The following SUN1 variants were observed in gnomAD, a reference collection of about 807,000 sequenced individuals.
The protein encoded by SUN1 is SUN domain-containing protein 1.
Under a neutral mutation model 103.2 loss-of-function variants are expected in SUN1, and 61 were observed. The observed-to-expected ratio is 0.59, with a 90% CI of 0.48 to 0.73. SUN1 has a LOEUF of 0.73. Among genes scored for constraint, SUN1 ranks in the 30% least tolerant of loss-of-function variants. SUN1 has a pLI of 0.00. For missense variants in SUN1, 1,052 were observed against 1,034.6 expected (o/e 1.02, Z -0.23); for synonymous variants, 490 against 425.7 (o/e 1.15, Z -1.86).
At chr7:868,335 A>T (rs1004832910) in intron 16 of SUN1, 2 of 213,664 alleles carry the variant, frequency 9.4e-6, no homozygotes, top group African/African-American at 4.7e-5. Context: ...CTGCACCTGG[A>T]GGTGGGGGTG....
At chr7:838,259 A>C (rs1276931261) in intron 1 of SUN1, among the ~76,000 whole-genome samples, 1 of 152,168 alleles carries the variant, frequency 6.6e-6, no homozygotes, top group African/African-American at 2.4e-5. Context: ...ATTATATGGA[A>C]GGTATTGGAA....
Position 872,577 on chromosome 7 carries a change from T to A in SUN1, c.2241+15T>A. On this transcript the variant is annotated intron_variant, in intron 18 of 18. Coordinates refer to ENST00000401592, the MANE Select transcript of SUN1 (RefSeq NM_001130965.3). Reference sequence around the variant, plus strand: ...TCCAGGCCCTGGTAAGAACTGGGACTGGCACTGCCTGGGGTCTCTGAGTCC... The same window carrying A: ...TCCAGGCCCTGGTAAGAACTGGGACAGGCACTGCCTGGGGTCTCTGAGTCC... 6.4e-7 allele frequency: 1 copy of A among 1,560,210 alleles called. No individual in the cohort carries two copies. The highest frequency in any genetic ancestry group is 8.7e-7 in the Non-Finnish European group (1 of 1,149,850).
At position 835,551 on chromosome 7, in the gene SUN1, T is replaced by C. The variant is rs147982747; in HGVS notation, c.77+2950T>C. On this transcript the variant is annotated intron_variant, in intron 1 of 18. Transcript: ENST00000401592. The stretch of plus-strand genomic sequence containing the variant: ...CATGTTACATTGGGTGATTTCCCTC[T>C]TAAATCTCAATCTGTAATTCTTGTC... Among the ~76,000 whole-genome samples, 553 of 152,340 alleles carry C rather than the reference T, an allele frequency of 3.6e-3. 4 individuals carry two copies. Among genetic ancestry groups the C allele is most frequent in the African/African-American group, 0.013 (527 of 41,566 alleles).
Position 838,979 on chromosome 7 carries a change from G to T in SUN1, c.259G>T (p.Ala87Ser). 6.3e-7 allele frequency: 1 copy of T among 1,581,580 alleles called. No individual in the cohort carries two copies. The highest frequency in any genetic ancestry group is 1.2e-5 in the South Asian group (1 of 86,240). Residue 87 changes from alanine (A) to serine (S), a missense_variant, in exon 2 of 19, where the codon GCG becomes TCG. Transcript: ENST00000401592. ...TSSAVSLKNR[A>S]ARTTKQRRST... ...CAGCGCTGTCTCCCTGAAGAACCGA[G>T]CGGCCAGGTGAGCACCGCTGCACTT...
intron 5 of SUN1, chr7:843,957 T>G: frequency 9.9e-7 from 1 of 1,013,134 alleles, no homozygotes; most frequent in Non-Finnish European, 1.2e-6. Flanking sequence ...TCGCTAGCCC[T>G]GTGCTTATGG....
chr7:815,876 G>C (rs1031919299), upstream of SUN1: 1 of 227,370 alleles, frequency 4.4e-6, no homozygotes, highest in East Asian at 1.8e-4. Flanking sequence ...ATTGGGGTGG[G>C]GGCGGCGGCC....
At chr7:834,564 T>C (rs1415052718) in intron 1 of SUN1, among the ~76,000 whole-genome samples, 1 of 152,172 alleles carries the variant, frequency 6.6e-6, no homozygotes, top group African/African-American at 2.4e-5. Flanking sequence ...CTTACACTCT[T>C]CTCTGCTTCC....
chr7:817,069 C>T (rs1421180958), intron 1 of SUN1, among the ~76,000 whole-genome samples: 1 of 152,032 alleles, frequency 6.6e-6, no homozygotes, highest in Non-Finnish European at 1.5e-5. Flanking sequence ...CCGCCTGGAC[C>T]CCGTTGCGGG....
At chr7:832,725 A>G (rs551784184) in intron 1 of SUN1, 124 bp downstream of exon 1, 40 of 768,412 alleles carry the variant, frequency 5.2e-5, no homozygotes, top group South Asian at 4.8e-4. Context: ...AGGTGAAAAA[A>G]AATAATAAAC....
intron 1 of SUN1, among the ~76,000 whole-genome samples, chr7:818,345 G>C (rs189141022): frequency 1.8e-4 from 28 of 152,322 alleles, no homozygotes; most frequent in Non-Finnish European, 2.9e-4. Flanking sequence ...CAGAGTTCAC[G>C]CATGTTGTAG....
At position 853,411 on chromosome 7, in the gene SUN1, T is replaced by G. The variant is rs1824091009; in HGVS notation, c.1056T>G (p.Gly352=). The change falls in exon 10 of 19, where the codon GGT becomes GGG. Residue 352 remains glycine, a splice_region_variant and synonymous_variant. Transcript: ENST00000401592. ...TTSRLKQPLQ[G]DSEAFPWHWM... ...TCATTTCTCTCTTGCCATTTCAGGG[T>G]GACAGTGAGGCTTTTCCGTGGCATT... 3 of 1,613,628 alleles carry G rather than the reference T, an allele frequency of 1.9e-6. No homozygotes were observed. The East Asian group carries it at 6.7e-5, about 36-fold the overall frequency.
At position 860,301 on chromosome 7, in the gene SUN1, T is replaced by C. The variant is rs564812775; in HGVS notation, c.1698T>C (p.Val566=). ...TCCTGCGGAACGTCACCCACCACGT[T>C]TCCGTGACCAAGCAGCTCCCAACCT... ...LQILRNVTHH[V]SVTKQLPTSE... Residue 566 remains valine (V), a synonymous_variant, in exon 14 of 19, where the codon GTT becomes GTC. Transcript: ENST00000401592. 2 of 1,614,220 alleles carry C rather than the reference T, an allele frequency of 1.2e-6. No homozygotes were observed. Among genetic ancestry groups the C allele is most frequent in the South Asian group, 2.2e-5 (2 of 91,084 alleles).
intron 1 of SUN1, among the ~76,000 whole-genome samples, chr7:821,989 G>C (rs1046127317): frequency 6.6e-5 from 10 of 152,092 alleles, no homozygotes; most frequent in African/African-American, 2.2e-4. Flanking sequence ...GCCTGCCCTC[G>C]TTTTCTTCTT....
intron 1 of SUN1, chr7:833,249 C>T (rs1799610368): frequency 6.6e-6 from 1 of 151,728 alleles, no homozygotes; most frequent in Non-Finnish European, 1.5e-5. Context: ...CTTGTGCACC[C>T]AGCAGATGTT....
At position 852,409 on chromosome 7, in the gene SUN1, G is replaced by T. The variant is rs538603948; in HGVS notation, c.852-200G>T. 1,004 of 647,428 alleles carry T rather than the reference G, an allele frequency of 1.6e-3. 17 individuals carry two copies. In the South Asian group the frequency reaches 0.019, roughly 12 times the overall value. The allele number at this position is 647,428 out of a possible 1,614,324, so 40.1% of individuals were successfully genotyped here. On this transcript the variant is annotated intron_variant, in intron 7 of 18. Coordinates refer to ENST00000401592, the MANE Select transcript of SUN1 (RefSeq NM_001130965.3). The stretch of plus-strand genomic sequence containing the variant: ...CAGGCCATTCCCACAGCACCAGAGA[G>T]TTGGTAACGTAGGTCTCAAAGACAC...
In SUN1 at chr7:843,396, C is replaced by G; in HGVS notation, c.534C>G (p.Thr178=). Residue 178 remains threonine (T), a synonymous_variant, in exon 5 of 19, where the codon ACC becomes ACG. Coordinates refer to ENST00000401592, the MANE Select transcript of SUN1 (RefSeq NM_001130965.3). ...GNGDVGAAAA[T]AHNGFSCSNC... ...GGGATGTGGGAGCCGCCGCCGCCAC[C>G]GCGCACAACGGCTTCTCCTGCAGCA... is the stretch of plus-strand genomic sequence containing the variant. 1 of 1,611,624 alleles carries G rather than the reference C, an allele frequency of 6.2e-7. No homozygotes were observed. Among genetic ancestry groups the G allele is most frequent in the Non-Finnish European group, 8.5e-7 (1 of 1,178,438 alleles).
rs751924393 is a variant in SUN1, at chr7:819,425, G to A, written c.-74+2752G>A. 4.6e-5 allele frequency among the ~76,000 whole-genome samples: 7 copies of A among 152,232 alleles called. No homozygotes were observed. The East Asian group carries it at 7.7e-4, about 17-fold the overall frequency. ...ACCTAAGAACTCTGCAAAATCCAAG[G>A]TCAGGAGGATTTGTCCTGTGTTTTC... On this transcript the variant is annotated intron_variant, in intron 1 of 17. Transcript: ENST00000389574.
intron 1 of SUN1, among the ~76,000 whole-genome samples, chr7:819,833 C>T (rs1784363780): frequency 6.6e-6 from 1 of 151,976 alleles, no homozygotes; most frequent in Non-Finnish European, 1.5e-5. Context: ...CTCAGCCTCC[C>T]AAGTAGCTGG....
intron 12 of SUN1, 63 bp from the exon 13 acceptor site, chr7:857,765 T>C: frequency 2.0e-6 from 3 of 1,465,190 alleles, no homozygotes; most frequent in Non-Finnish European, 2.7e-6. Context: ...AGCCTGTGTG[T>C]AGTGTGGGAA....
Sources: gnomAD v4.1 joint callset for allele counts (sites outside exome capture counted in the v4.1 genomes callset) on GRCh38, gnomAD v4.1.1 for gene constraint, MANE v1.5 for transcripts, NCBI Gene and HGNC (gene_info 2026-07-23, HGNC 2026-07-21) for gene names.